The following RPTOR variants were observed in gnomAD, a reference collection of about 807,000 sequenced individuals.
The protein encoded by RPTOR is regulatory-associated protein of mTOR.
Under a neutral mutation model 169.9 loss-of-function variants are expected in RPTOR, and 21 were observed. The ratio of observed to expected loss-of-function variants is 0.12; its 90% CI spans 0.09 to 0.18. The LOEUF (loss-of-function observed/expected upper bound fraction) is 0.18, where lower values mean the gene tolerates loss of function less well. RPTOR is among the 10% of genes least tolerant of loss of function. The pLI is 1.00. For missense variants in RPTOR, 1,133 were observed against 1,855.9 expected (o/e 0.61, Z 7.16); for synonymous variants, 732 against 753.2 (o/e 0.97, Z 0.46).
Position 80,664,689 on chromosome 17 carries a change from C to T in RPTOR, c.348+20879C>T, listed in dbSNP as rs906596556. On this transcript the variant is annotated intron_variant, in intron 3 of 33. Coordinates refer to ENST00000306801, the MANE Select transcript of RPTOR (RefSeq NM_020761.3). ...GTTGGTTAATGAAGGGATGTGAAGA[C>T]GAAGGGAGTCTGAGTCTCCAAAGGA... 5.3e-5 allele frequency among the ~76,000 whole-genome samples: 8 copies of T among 152,126 alleles called. No individual in the cohort carries two copies. The East Asian group carries it at 7.7e-4, about 15-fold the overall frequency.
chr17:80,658,226 C>T (rs2065694833), intron 3 of RPTOR, among the ~76,000 whole-genome samples: 1 of 152,180 alleles, frequency 6.6e-6, no homozygotes, highest in Admixed American at 6.5e-5. Flanking sequence ...TTTATTCTTT[C>T]CTGCATTTCT....
chr17:80,634,524 C>CCG (rs2065479365), intron 2 of RPTOR, among the ~76,000 whole-genome samples: 1 of 117,542 alleles, frequency 8.5e-6, no homozygotes. Flanking sequence ...TGTGTGCGTA[C>CCG]TGTGTGCATG....
chr17:80,908,342 A>ACAGGAAGCACGTGGAGGTGGG (rs1259319227), intron 20 of RPTOR, among the ~76,000 whole-genome samples: 10 of 152,198 alleles, frequency 6.6e-5, no homozygotes, highest in African/African-American at 2.4e-4. Context: ...CTGGAGGTGG[A>ACAGGAAGCACGTGGAGGTGGG]CAGGAAGCAC....
At chr17:80,830,535 C>T (rs1427381791) in intron 9 of RPTOR, among the ~76,000 whole-genome samples, 4 of 152,202 alleles carry the variant, frequency 2.6e-5, no homozygotes, top group African/African-American at 9.7e-5. Context: ...CTTCTCACGG[C>T]GTCGGGCTGC....
intron 21 of RPTOR, among the ~76,000 whole-genome samples, chr17:80,918,445 A>AGTCATAGCCACAAGCACCCTCGCGGGG (rs2068701948): frequency 1.2e-5 from 1 of 84,392 alleles, no homozygotes; most frequent in Non-Finnish European, 2.5e-5. Flanking sequence ...CCCTCGCCGG[A>AGTCATAGCCACAAGCACCCTCGCGGGG]GTCATAGCCA....
Position 80,925,353 on chromosome 17 carries a change from C to G in RPTOR, c.2809-17C>G, listed in dbSNP as rs749736457. The G allele has an allele frequency of 1.9e-6, 3 of 1,609,500 alleles. No individual in the cohort carries two copies. Among genetic ancestry groups the G allele is most frequent in the South Asian group, 2.2e-5 (2 of 90,952 alleles). On this transcript the variant is annotated splice_polypyrimidine_tract_variant and intron_variant, in intron 23 of 33. Coordinates refer to ENST00000306801, the MANE Select transcript of RPTOR (RefSeq NM_020761.3). ...GTGTTTCTTTTTCCTTCCAACCCTC[C>G]TGCTTAAACCCTGAAGACTGCGGAC...
At chr17:80,756,990 A>T (rs1434223710) in intron 6 of RPTOR, among the ~76,000 whole-genome samples, 1 of 152,166 alleles carries the variant, frequency 6.6e-6, no homozygotes, top group Non-Finnish European at 1.5e-5. Context: ...GAAATAAAGA[A>T]CACAGTAGAC....
chr17:80,884,704 C>T (rs1023767991), intron 16 of RPTOR, among the ~76,000 whole-genome samples: 13 of 152,198 alleles, frequency 8.5e-5, no homozygotes, highest in Admixed American at 2.0e-4. Context: ...CCAGCCCCCT[C>T]GTCTAACTCC....
At chr17:80,628,644 T>G (rs979189574) in intron 2 of RPTOR, among the ~76,000 whole-genome samples, 2 of 149,726 alleles carry the variant, frequency 1.3e-5, no homozygotes, top group African/African-American at 4.9e-5. Flanking sequence ...CTCCCCACCC[T>G]TTTTTTTTTC....
At position 80,659,566 on chromosome 17, in the gene RPTOR, G is replaced by A. The variant is rs2065705557; in HGVS notation, c.348+15756G>A. ...CTCTGTCGCCAGGCTGGATACAGTG[G>A]CACGATCTTGGCTCACTGCAACCTC... On this transcript the variant is annotated intron_variant, in intron 3 of 33. Coordinates refer to ENST00000306801, the MANE Select transcript of RPTOR (RefSeq NM_020761.3). The surrounding 1 kb of genome is among the most constrained non-coding windows in gnomAD (Gnocchi z 4.3). Among the ~76,000 whole-genome samples the A allele has an allele frequency of 6.6e-6, 1 of 151,982 alleles. No individual in the cohort carries two copies. The highest frequency in any genetic ancestry group is 2.4e-5 in the African/African-American group (1 of 41,368).
intron 7 of RPTOR, among the ~76,000 whole-genome samples, chr17:80,808,842 G>A (rs2067244663): frequency 6.6e-6 from 1 of 152,198 alleles, no homozygotes; most frequent in Admixed American, 6.5e-5. Context: ...CTTGTTGGGA[G>A]TATCAGTAGT....
At chr17:80,625,988 G>A (rs1480114207) in intron 2 of RPTOR, among the ~76,000 whole-genome samples, 195 bp downstream of exon 2, 14 of 152,170 alleles carry the variant, frequency 9.2e-5, no homozygotes. Flanking sequence ...TGGAGAGAGT[G>A]TTTCCAGAAA....
At chr17:80,819,221 G>A (rs2067354905) in intron 7 of RPTOR, among the ~76,000 whole-genome samples, 1 of 152,186 alleles carries the variant, frequency 6.6e-6, no homozygotes, top group Non-Finnish European at 1.5e-5. Context: ...GGTTTTGGCA[G>A]TTCCCTGTTA....
intron 6 of RPTOR, among the ~76,000 whole-genome samples, chr17:80,768,947 A>G (rs1480210589): frequency 6.6e-6 from 1 of 152,216 alleles, no homozygotes; most frequent in Non-Finnish European, 1.5e-5. Flanking sequence ...TAAAAAAGCG[A>G]TCATTTGATT....
intron 6 of RPTOR, among the ~76,000 whole-genome samples, chr17:80,757,976 T>C (rs1322511549): frequency 1.3e-5 from 2 of 152,200 alleles, no homozygotes; most frequent in Non-Finnish European, 2.9e-5. Context: ...CAGGAAGAGA[T>C]TGGTCCACCT....
At chr17:80,914,780 C>T (rs11657677) in intron 21 of RPTOR, among the ~76,000 whole-genome samples, 50,182 of 152,164 alleles carry the variant, frequency 0.33, 8,418 homozygotes, top group East Asian at 0.45. Flanking sequence ...AGGTGCCCCT[C>T]GGCACAATCA....
intron 1 of RPTOR, among the ~76,000 whole-genome samples, chr17:80,582,216 T>G (rs1395762329): frequency 6.6e-6 from 1 of 152,234 alleles, no homozygotes; most frequent in East Asian, 1.9e-4. Context: ...TAGGTGGACC[T>G]GGATTCAGAG....
chr17:80,860,350 C>T lies in RPTOR; in HGVS notation c.1509+2450C>T, dbSNP rs551503446. ...CCACAGGCTCGTACCCCGCACTGTG[C>T]GCTCTCACCCGTCAGCCCTGCACAC... On this transcript the variant is annotated intron_variant, in intron 13 of 33. Coordinates refer to ENST00000306801, the MANE Select transcript of RPTOR (RefSeq NM_020761.3). The surrounding 1 kb of genome is among the most constrained non-coding windows in gnomAD (Gnocchi z 5.8). Among the ~76,000 whole-genome samples, 8 of 152,326 alleles carry T rather than the reference C, an allele frequency of 5.3e-5. No individual in the cohort carries two copies. Among genetic ancestry groups the T allele is most frequent in the South Asian group, 2.1e-4 (1 of 4,832 alleles).
intron 13 of RPTOR, among the ~76,000 whole-genome samples, chr17:80,877,511 A>G (rs946396228): frequency 3.3e-5 from 5 of 152,168 alleles, no homozygotes; most frequent in African/African-American, 7.2e-5. Flanking sequence ...GCATGCCTCA[A>G]ATTCAGAATT....
Sources: gnomAD v4.1 joint callset for allele counts (sites outside exome capture counted in the v4.1 genomes callset) on GRCh38, gnomAD v4.1.1 for gene constraint, Gnocchi (gnomAD v3.1) non-coding constraint, MANE v1.5 for transcripts, NCBI Gene and HGNC (gene_info 2026-07-23, HGNC 2026-07-21) for gene names.